ASIC2: variants seen among roughly 807,000 people sequenced by gnomAD.
ASIC2 encodes acid-sensing ion channel 2.
In ASIC2, 25 loss-of-function variants were observed where a neutral mutation model predicts 57.3. The ratio of observed to expected loss-of-function variants is 0.44; its 90% CI spans 0.32 to 0.61. The LOEUF (loss-of-function observed/expected upper bound fraction) is 0.61, where lower values mean the gene tolerates loss of function less well. Among genes scored for constraint, ASIC2 ranks in the 20% least tolerant of loss-of-function variants. ASIC2 has a pLI of 0.06. For synonymous variants in ASIC2, 319 were observed against 307.5 expected, an observed-to-expected ratio of 1.04 and a Z score of -0.39; for missense variants, 641 against 738.1, an observed-to-expected ratio of 0.87 and a Z score of 1.52.
intron 1 of ASIC2, among the ~76,000 whole-genome samples, chr17:33,386,503 A>G (rs534037601): frequency 1.1e-4 from 17 of 152,138 alleles, no homozygotes; most frequent in Non-Finnish European, 1.6e-4. Context: ...TCACTAGGCT[A>G]TATTGATTTT....
At chr17:34,154,745 T>C (rs1465527751) in intron 1 of ASIC2, among the ~76,000 whole-genome samples, 1 of 152,192 alleles carries the variant, frequency 6.6e-6, no homozygotes, top group East Asian at 1.9e-4. Context: ...TCCCAACTGC[T>C]ATACCTGCTA....
At chr17:34,099,520 AAAAG>A (rs147070505) in intron 1 of ASIC2, among the ~76,000 whole-genome samples, 2,279 of 147,876 alleles carry the variant, frequency 0.015, 37 homozygotes, top group African/African-American at 0.04. Flanking sequence ...AAGAGAAAGA[AAAAG>A]AAAGAAAGAA....
intron 1 of ASIC2, among the ~76,000 whole-genome samples, chr17:34,134,783 G>A (rs77547040): frequency 0.014 from 2,083 of 152,294 alleles, 46 homozygotes; most frequent in African/African-American, 0.048. Context: ...CTCGTAGACA[G>A]ACATGCAGCC....
In ASIC2 at chr17:33,826,548, C is replaced by T. The variant is rs368286868; in HGVS notation, c.555+329430G>A. Among the ~76,000 whole-genome samples the T allele has an allele frequency of 1.8e-4, 27 of 152,250 alleles. No individual in the cohort carries two copies. In the South Asian group the frequency reaches 4.8e-3, roughly 27 times the overall value. ...ACGTTGGCGATCACGTAGCCCATTG[C>T]CTTTATTTCACCAATGAGGAAACAG... On this transcript the variant is annotated intron_variant, in intron 1 of 9. Transcript: ENST00000359872.
intron 1 of ASIC2, among the ~76,000 whole-genome samples, chr17:33,521,565 G>A (rs537058658): frequency 3.9e-5 from 6 of 152,190 alleles, no homozygotes. Flanking sequence ...AGCCCAGCTG[G>A]GGTCCCGTGA....
At chr17:33,266,959 TC>T (rs549374680) in intron 1 of ASIC2, among the ~76,000 whole-genome samples, 143 of 152,308 alleles carry the variant, frequency 9.4e-4, no homozygotes, top group Non-Finnish European at 1.7e-3. Context: ...TTTGGTTGAT[TC>T]TGTATTAACT....
chr17:34,027,527 C>T (rs887604620), intron 1 of ASIC2, among the ~76,000 whole-genome samples: 1 of 152,170 alleles, frequency 6.6e-6, no homozygotes, highest in African/African-American at 2.4e-5. Context: ...AACCTGAGCA[C>T]TTTATTCAAA....
At chr17:33,840,615 T>G (rs1913406638) in intron 1 of ASIC2, among the ~76,000 whole-genome samples, 1 of 152,172 alleles carries the variant, frequency 6.6e-6, no homozygotes, top group Non-Finnish European at 1.5e-5. Context: ...GGGCTACCAC[T>G]CCAAGTGGAA....
At chr17:33,742,104 G>A (rs1910130741) in intron 1 of ASIC2, among the ~76,000 whole-genome samples, 1 of 152,174 alleles carries the variant, frequency 6.6e-6, no homozygotes, top group South Asian at 2.1e-4. Flanking sequence ...CAGAGAAGAT[G>A]TGAAGGCCAG....
At chr17:34,144,444 A>G (rs973899298) in intron 1 of ASIC2, among the ~76,000 whole-genome samples, 39 of 152,190 alleles carry the variant, frequency 2.6e-4, no homozygotes, top group African/African-American at 9.2e-4. Flanking sequence ...CTGTCAATAT[A>G]GATTTCCAAA....
At chr17:33,960,608 G>A (rs2141991516) in intron 1 of ASIC2, among the ~76,000 whole-genome samples, 1 of 152,150 alleles carries the variant, frequency 6.6e-6, no homozygotes, top group South Asian at 2.1e-4. Context: ...GCTGATCTCT[G>A]GCCTCATCCT....
At chr17:33,544,754 C>G (rs187101289) in intron 1 of ASIC2, among the ~76,000 whole-genome samples, 2 of 152,110 alleles carry the variant, frequency 1.3e-5, no homozygotes, top group African/African-American at 4.8e-5. Context: ...CATATATCAC[C>G]CTTATACATA....
chr17:33,272,617 C>T (rs1904541771), intron 1 of ASIC2, among the ~76,000 whole-genome samples: 4 of 152,128 alleles, frequency 2.6e-5, no homozygotes, highest in South Asian at 2.1e-4. Flanking sequence ...ATTCCTCCAT[C>T]ATCGTCATCG....
Position 34,039,236 on chromosome 17 carries a change from T to A in ASIC2, c.555+116742A>T, listed in dbSNP as rs889191316. 1.4e-5 allele frequency: 22 copies of A among 1,613,888 alleles called. No individual in the cohort carries two copies. In the African/African-American group the frequency reaches 2.8e-4, roughly 21 times the overall value. ...TCTAGTGCAGATATTTTTTCTATTG[T>A]GAGGTCGGACTGGGTCTGTCTGTGC... On this transcript the variant is annotated intron_variant, in intron 1 of 9. Transcript: ENST00000359872.
chr17:33,660,096 A>T (rs930029477), intron 1 of ASIC2, among the ~76,000 whole-genome samples: 3 of 151,454 alleles, frequency 2.0e-5, no homozygotes, highest in Non-Finnish European at 2.9e-5. Context: ...AAACAAAACG[A>T]AACAAAAATG....
intron 1 of ASIC2, among the ~76,000 whole-genome samples, chr17:33,429,312 T>C (rs2141977134): frequency 6.6e-6 from 1 of 152,336 alleles, no homozygotes; most frequent in African/African-American, 2.4e-5. Context: ...CTATGATGAA[T>C]ACTTTCCTTG....
At chr17:33,707,438 A>G (rs1908895642) in intron 1 of ASIC2, among the ~76,000 whole-genome samples, 1 of 152,052 alleles carries the variant, frequency 6.6e-6, no homozygotes, top group Non-Finnish European at 1.5e-5. Flanking sequence ...TTTTTATTCT[A>G]CTATCTAGAT....
intron 2 of ASIC2, among the ~76,000 whole-genome samples, chr17:33,098,978 A>AATATATATATATAAACAAAAT (rs1555570179): frequency 6.7e-6 from 1 of 148,542 alleles, no homozygotes; most frequent in Non-Finnish European, 1.5e-5. Flanking sequence ...ATAAACAAAA[A>AATATATATATATAAACAAAAT]ATATATATAT....
intron 1 of ASIC2, among the ~76,000 whole-genome samples, chr17:33,390,920 A>T (rs995452814): frequency 6.6e-6 from 1 of 152,252 alleles, no homozygotes; most frequent in African/African-American, 2.4e-5. Context: ...CAGGGATTAC[A>T]TAAGTGCTTG....
Sources: gnomAD v4.1 joint callset for allele counts (sites outside exome capture counted in the v4.1 genomes callset) on GRCh38, gnomAD v4.1.1 for gene constraint, MANE v1.5 for transcripts, NCBI Gene and HGNC (gene_info 2026-07-23, HGNC 2026-07-21) for gene names.